The following SMOC2 variants were observed in gnomAD, a reference collection of about 807,000 sequenced individuals.
SMOC2 encodes the protein SPARC-related modular calcium-binding protein 2.
In SMOC2, 39 loss-of-function variants were observed where a neutral mutation model predicts 61.4. That is an observed-to-expected ratio of 0.64 (90% CI 0.49 to 0.83). The LOEUF (loss-of-function observed/expected upper bound fraction) is 0.83, where lower values mean the gene tolerates loss of function less well. Among genes scored for constraint, SMOC2 ranks in the 40% least tolerant of loss-of-function variants. The pLI is 0.00. For synonymous variants in SMOC2, 247 were observed against 239.9 expected, an observed-to-expected ratio of 1.03 and a Z score of -0.27; for missense variants, 556 against 592.9, an observed-to-expected ratio of 0.94 and a Z score of 0.65.
Position 168,475,616 on chromosome 6 carries a change from G to A in SMOC2, c.84+34162G>A, listed in dbSNP as rs1445320670. Among the ~76,000 whole-genome samples, 1 of 152,156 alleles carries A rather than the reference G, an allele frequency of 6.6e-6. No individual in the cohort carries two copies. Among genetic ancestry groups the A allele is most frequent in the Non-Finnish European group, 1.5e-5 (1 of 68,008 alleles). On this transcript the variant is annotated intron_variant, in intron 1 of 12. Transcript: ENST00000356284. The surrounding 1 kb of genome is among the most constrained non-coding windows in gnomAD (Gnocchi z 4.6). ...GAAGGCAGTGTCAGGACTGAGACAGGAGGGTGAGTCCAGAGCGGGGACAGA... is the reference window on the plus strand; with the variant it reads ...GAAGGCAGTGTCAGGACTGAGACAGAAGGGTGAGTCCAGAGCGGGGACAGA...
At chr6:168,584,293 C>T (rs967158723) in intron 7 of SMOC2, among the ~76,000 whole-genome samples, 3 of 152,196 alleles carry the variant, frequency 2.0e-5, no homozygotes, top group Non-Finnish European at 2.9e-5. Context: ...GTTCTTCCGA[C>T]GTGGGACCTA....
intron 12 of SMOC2, 88 bp downstream of exon 12, chr6:168,664,199 A>G: frequency 2.9e-6 from 3 of 1,036,750 alleles, no homozygotes; most frequent in Non-Finnish European, 4.4e-6. Flanking sequence ...TGCAATGGCC[A>G]GTACCTTCCA....
intron 7 of SMOC2, among the ~76,000 whole-genome samples, chr6:168,554,341 G>A (rs1413562639): frequency 6.6e-6 from 1 of 152,234 alleles, no homozygotes; most frequent in African/African-American, 2.4e-5. Context: ...ACACCTTGGG[G>A]TGTCCTACTA....
chr6:168,662,001 CTG>C (rs1787520967), intron 11 of SMOC2, among the ~76,000 whole-genome samples: 1 of 152,218 alleles, frequency 6.6e-6, no homozygotes, highest in African/African-American at 2.4e-5. Context: ...TTTTCATACT[CTG>C]TTTCTATTTG....
chr6:168,441,250 G>C lies in SMOC2; in HGVS notation c.-121G>C, dbSNP rs1781197407. 1 of 1,349,042 alleles carries C rather than the reference G, an allele frequency of 7.4e-7. No individual in the cohort carries two copies. Among genetic ancestry groups the C allele is most frequent in the African/African-American group, 1.5e-5 (1 of 64,558 alleles). 83.6% of individuals were successfully genotyped at this position (1,349,042 alleles called of 1,614,324 possible). ...GCCGGGCCGCCGGGAGCGGTGGGGA[G>C]AGCATCGCGGAGCCGCCCCTCCACG... is the stretch of plus-strand genomic sequence containing the variant. On this transcript the variant is annotated 5_prime_UTR_variant, in exon 1 of 13. Coordinates refer to ENST00000356284, the MANE Select transcript of SMOC2 (RefSeq NM_001166412.2).
intron 1 of SMOC2, among the ~76,000 whole-genome samples, chr6:168,483,848 A>T (rs1184457623): frequency 6.6e-6 from 1 of 152,176 alleles, no homozygotes; most frequent in African/African-American, 2.4e-5. Flanking sequence ...GAAAGAGGAC[A>T]GTCTTTTCAA....
chr6:168,568,025 A>C (rs143180996), intron 7 of SMOC2, among the ~76,000 whole-genome samples: 1 of 133,962 alleles, frequency 7.5e-6, no homozygotes, highest in Admixed American at 7.4e-5. Flanking sequence ...AATTTAGTGC[A>C]TCTTCTCTTC....
chr6:168,615,839 A>G (rs1786073583), intron 9 of SMOC2, among the ~76,000 whole-genome samples: 1 of 152,232 alleles, frequency 6.6e-6, no homozygotes, highest in Non-Finnish European at 1.5e-5. Flanking sequence ...TCATGTAGAA[A>G]CCTTAGAGGC....
chr6:168,547,243 G>C, intron 6 of SMOC2, 74 bp downstream of exon 6: 1 of 1,349,102 alleles, frequency 7.4e-7, no homozygotes. Context: ...GGGAAGTGGA[G>C]CGAGTCATCT....
intron 7 of SMOC2, among the ~76,000 whole-genome samples, chr6:168,582,786 AAC>A (rs1784949478): frequency 1.3e-5 from 2 of 152,216 alleles, no homozygotes; most frequent in African/African-American, 4.8e-5. Context: ...AGAGCTTAGT[AAC>A]ATTCAGAAGA....
At chr6:168,552,887 C>G (rs926909846) in intron 7 of SMOC2, among the ~76,000 whole-genome samples, 1 of 150,106 alleles carries the variant, frequency 6.7e-6, no homozygotes, top group Non-Finnish European at 1.5e-5. Flanking sequence ...GAGGGTGGCC[C>G]CTCACTGTCC....
intron 1 of SMOC2, among the ~76,000 whole-genome samples, chr6:168,487,438 G>A (rs1782362077): frequency 1.3e-5 from 2 of 152,176 alleles, no homozygotes; most frequent in African/African-American, 4.8e-5. Context: ...AGTATTTATT[G>A]AGCTATCTCA....
chr6:168,536,691 G>A (rs1020007411), intron 4 of SMOC2, among the ~76,000 whole-genome samples: 9 of 152,154 alleles, frequency 5.9e-5, no homozygotes, highest in Admixed American at 5.9e-4. Context: ...GAGGTGGGAG[G>A]AGCTAAGGGC....
At chr6:168,655,615 A>G in intron 11 of SMOC2, 1 of 341,244 alleles carries the variant, frequency 2.9e-6, no homozygotes, top group Non-Finnish European at 5.9e-6. Context: ...CCCCCTGCAC[A>G]TGTGTGCTGG....
intron 1 of SMOC2, among the ~76,000 whole-genome samples, chr6:168,442,819 C>T (rs1781247836): frequency 6.6e-6 from 1 of 152,134 alleles, no homozygotes; most frequent in Admixed American, 6.5e-5. Context: ...AGCCCGGGGT[C>T]CCTGCCTTGT....
intron 2 of SMOC2, among the ~76,000 whole-genome samples, chr6:168,511,814 GT>G (rs56346133): frequency 1.6e-4 from 23 of 142,826 alleles, no homozygotes; most frequent in African/African-American, 5.4e-4. Flanking sequence ...ATCAAGGGTT[GT>G]TTTTTTTTTT....
In SMOC2 at chr6:168,608,180, A is replaced by T; in HGVS notation, c.848A>T (p.Asn283Ile). Reference protein sequence around the residue: ...STRYEQPKCDNTARAHPAKAR... With the variant: ...STRYEQPKCDITARAHPAKAR... ...AGGTACGAGCAGCCGAAATGTGACA[A>T]CACGGCCAGGGCCCACCCAGCCAAA... The change falls in exon 9 of 13, where the codon AAC (asparagine) becomes ATC (isoleucine). Residue 283 changes from asparagine (N) to isoleucine (I), a missense_variant. Asn to Ile is a moderately radical substitution (Grantham distance 149). Coordinates refer to ENST00000356284, the MANE Select transcript of SMOC2 (RefSeq NM_001166412.2). 1 of 1,613,884 alleles carries T rather than the reference A, an allele frequency of 6.2e-7. No individual in the cohort carries two copies. The highest frequency in any genetic ancestry group is 8.5e-7 in the Non-Finnish European group (1 of 1,179,940).
chr6:168,512,943 C>G (rs1280027361), intron 2 of SMOC2, among the ~76,000 whole-genome samples: 1 of 152,074 alleles, frequency 6.6e-6, no homozygotes, highest in Non-Finnish European at 1.5e-5. Context: ...AGTGAAAGAT[C>G]TATATATATA....
chr6:168,592,175 T>C (rs1175867680), intron 7 of SMOC2, among the ~76,000 whole-genome samples: 2 of 152,210 alleles, frequency 1.3e-5, no homozygotes, highest in Non-Finnish European at 2.9e-5. Context: ...CCTATTTCCC[T>C]AGTTCTCTAC....
Sources: gnomAD v4.1 joint callset for allele counts (sites outside exome capture counted in the v4.1 genomes callset) on GRCh38, gnomAD v4.1.1 for gene constraint, Gnocchi (gnomAD v3.1) non-coding constraint, MANE v1.5 for transcripts, NCBI Gene and HGNC (gene_info 2026-07-23, HGNC 2026-07-21) for gene names.